The following XYLT1 variants were observed in gnomAD, a reference collection of about 807,000 sequenced individuals.
XYLT1 encodes the protein xylosyltransferase 1, also known as beta-D-xylosyltransferase 1.
In XYLT1, 36 loss-of-function variants were observed where a neutral mutation model predicts 91.3. The ratio of observed to expected loss-of-function variants is 0.39; its 90% CI spans 0.30 to 0.52. The LOEUF is 0.52. XYLT1 is among the 20% of genes least tolerant of loss of function. The pLI is 0.68. For synonymous variants in XYLT1, 588 were observed against 532.0 expected (o/e 1.11, Z -1.45); for missense variants, 1,242 against 1,284.5 (o/e 0.97, Z 0.51).
At chr16:17,432,886 A>G (rs6416676) in intron 1 of XYLT1, among the ~76,000 whole-genome samples, 14,836 of 152,114 alleles carry the variant, frequency 0.098, 826 homozygotes, top group Middle Eastern at 0.16. Context: ...AAGAGGAAAA[A>G]AAAACACGCA....
intron 1 of XYLT1, among the ~76,000 whole-genome samples, chr16:17,459,347 G>C (rs2036785250): frequency 6.6e-6 from 1 of 152,158 alleles, no homozygotes; most frequent in African/African-American, 2.4e-5. Context: ...ATTCTAGCCG[G>C]GGTGACGTAA....
intron 2 of XYLT1, among the ~76,000 whole-genome samples, chr16:17,319,968 G>A (rs372427011): frequency 4.6e-5 from 7 of 152,200 alleles, no homozygotes; most frequent in African/African-American, 1.4e-4. Context: ...CAGGCAGTTC[G>A]CATGCTCTTT....
At chr16:17,328,432 CCAGATA>C (rs2034845527) in intron 2 of XYLT1, among the ~76,000 whole-genome samples, 2 of 150,894 alleles carry the variant, frequency 1.3e-5, no homozygotes, top group Non-Finnish European at 2.9e-5. Context: ...ATCTGCAATC[CCAGATA>C]CTCGGGAGGC....
At chr16:17,205,553 G>C (rs991585486) in intron 3 of XYLT1, among the ~76,000 whole-genome samples, 2 of 152,202 alleles carry the variant, frequency 1.3e-5, no homozygotes, top group African/African-American at 4.8e-5. Flanking sequence ...ATCCAGAAGA[G>C]AGAGCACAGT....
chr16:17,137,470 C>T (rs371407028), intron 8 of XYLT1: 13 of 152,350 alleles, frequency 8.5e-5, no homozygotes, highest in African/African-American at 1.7e-4. Flanking sequence ...CAGAGTGATT[C>T]GCTTAACCAT....
At chr16:17,358,621 A>G (rs570447941) in intron 1 of XYLT1, among the ~76,000 whole-genome samples, 28 of 152,298 alleles carry the variant, frequency 1.8e-4, no homozygotes, top group African/African-American at 6.5e-4. Flanking sequence ...TATGAAGGAA[A>G]TGCCCACATG....
rs979820288 is a variant in XYLT1 at position 17,284,237 on chromosome 16, C to A, written c.403-24739G>T. 2.6e-5 allele frequency among the ~76,000 whole-genome samples: 4 copies of A among 152,330 alleles called. No individual in the cohort carries two copies. The South Asian group carries it at 8.3e-4, about 32-fold the overall frequency. The stretch of plus-strand genomic sequence containing the variant: ...CACAGCAACCGGTACTTAGCAAACA[C>A]TTACTGAGGAGCAGCTACTATTTTT... On this transcript the variant is annotated intron_variant, in intron 2 of 11. Transcript: ENST00000261381.
chr16:17,238,542 G>A (rs1322285928), intron 3 of XYLT1, among the ~76,000 whole-genome samples: 1 of 152,174 alleles, frequency 6.6e-6, no homozygotes, highest in Admixed American at 6.5e-5. Flanking sequence ...GCTGTCTTTG[G>A]ACCCAGGACC....
rs772951019 is a variant in XYLT1 at position 17,138,490 on chromosome 16, G to A, written c.1629C>T (p.Asp543=). ...TGCGCAGGTTGTTGTCCACCATGGT[G>A]TCGCAGTGGGGGCTGTTCTCCAGGA... ...HTVLENSPHC[D]TMVDNNLRIT... Residue 543 remains aspartate (D), a synonymous_variant, in exon 8 of 12, where the codon GAC becomes GAT. Coordinates refer to ENST00000261381, the MANE Select transcript of XYLT1 (RefSeq NM_022166.4). 145 of 1,614,030 alleles carry A rather than the reference G, an allele frequency of 9.0e-5. No homozygotes were observed. The highest frequency in any genetic ancestry group is 1.2e-4 in the Non-Finnish European group (137 of 1,180,042).
chr16:17,387,056 G>A (rs2035756395), intron 1 of XYLT1, among the ~76,000 whole-genome samples: 1 of 152,170 alleles, frequency 6.6e-6, no homozygotes, highest in Admixed American at 6.5e-5. Flanking sequence ...AGACACCTTT[G>A]AGGGAGCAGA....
At chr16:17,430,402 CAA>C (rs1235900636) in intron 1 of XYLT1, among the ~76,000 whole-genome samples, 1 of 152,210 alleles carries the variant, frequency 6.6e-6, no homozygotes, top group Non-Finnish European at 1.5e-5. Context: ...CCAGAATGCA[CAA>C]AGATTCTGGT....
chr16:17,198,482 C>A, intron 4 of XYLT1, 68 bp from the exon 5 acceptor site: 1 of 1,485,204 alleles, frequency 6.7e-7, no homozygotes, highest in Non-Finnish European at 9.1e-7. Flanking sequence ...GCCCCTCACC[C>A]CTGTCCCCTC....
chr16:17,134,568 C>T lies in XYLT1; in HGVS notation c.1932G>A (p.Leu644=), dbSNP rs746848552. 6 of 1,614,198 alleles carry T rather than the reference C, an allele frequency of 3.7e-6. No homozygotes were observed. Among genetic ancestry groups the T allele is most frequent in the East Asian group, 2.2e-5 (1 of 44,874 alleles). Residue 644 remains leucine, a synonymous_variant, in exon 9 of 12, where the codon CTG becomes CTA. Transcript: ENST00000261381. The part of the protein sequence containing the change: ...VYDEPDGIHS[L]SDVTLTLYHS... ...GGTACAAGGTGAGTGTCACGTCGCT[C>T]AGGCTGTGGATGCCGTCAGGCTCAT... is the stretch of plus-strand genomic sequence containing the variant.
At chr16:17,285,890 G>T (rs1226622586) in intron 2 of XYLT1, among the ~76,000 whole-genome samples, 2 of 79,008 alleles carry the variant, frequency 2.5e-5, no homozygotes, top group African/African-American at 1.2e-4. Flanking sequence ...GTGTGTGTGT[G>T]TGTGTGTGTG....
intron 1 of XYLT1, among the ~76,000 whole-genome samples, chr16:17,458,370 C>T (rs769259005): frequency 1.3e-5 from 2 of 152,186 alleles, no homozygotes; most frequent in Admixed American, 6.5e-5. Flanking sequence ...AAATACTCAA[C>T]GTGAAGCAAA....
rs147786213 is a variant in XYLT1 at position 17,440,914 on chromosome 16, G to A, written c.363+29520C>T. Among the ~76,000 whole-genome samples the A allele has an allele frequency of 5.2e-3, 793 of 152,200 alleles. 3 individuals are homozygous for A. The highest frequency in any genetic ancestry group is 7.5e-3 in the Non-Finnish European group (512 of 68,016). ...CTAAGTTCCAACACTTACTAATGGC[G>A]TGGCTGTGAGCATGGTACCGACCCT... On this transcript the variant is annotated intron_variant, in intron 1 of 11. Transcript: ENST00000261381.
At chr16:17,147,542 G>T (rs1232019244) in intron 6 of XYLT1, among the ~76,000 whole-genome samples, 1 of 152,180 alleles carries the variant, frequency 6.6e-6, no homozygotes, top group Non-Finnish European at 1.5e-5. Context: ...TTGGGAGATG[G>T]GTTGCTGTAT....
chr16:17,287,253 T>C (rs1024947451), intron 2 of XYLT1, among the ~76,000 whole-genome samples: 1 of 151,550 alleles, frequency 6.6e-6, no homozygotes, highest in African/African-American at 2.4e-5. Context: ...CTCCCCCTCT[T>C]TTTTTTTAAT....
At chr16:17,251,783 A>G (rs1422387328) in intron 3 of XYLT1, among the ~76,000 whole-genome samples, 1 of 152,194 alleles carries the variant, frequency 6.6e-6, no homozygotes, top group Non-Finnish European at 1.5e-5. Context: ...GCAGAGATGC[A>G]CCCTTCACCC....
Sources: gnomAD v4.1 joint callset for allele counts (sites outside exome capture counted in the v4.1 genomes callset) on GRCh38, gnomAD v4.1.1 for gene constraint, MANE v1.5 for transcripts, NCBI Gene and HGNC (gene_info 2026-07-23, HGNC 2026-07-21) for gene names.